The following SMARCA4 variants were observed in gnomAD, a reference collection of about 807,000 sequenced individuals.
SMARCA4 encodes the protein SWI/SNF-related matrix-associated actin-dependent regulator of chromatin subfamily A member 4.
Under a neutral mutation model 193.9 loss-of-function variants are expected in SMARCA4, and 31 were observed. That is an observed-to-expected ratio of 0.16 (90% CI 0.12 to 0.22). SMARCA4 has a LOEUF of 0.22. Among genes scored for constraint, SMARCA4 ranks in the 10% least tolerant of loss-of-function variants. The pLI is 1.00. For missense variants in SMARCA4, 1,148 were observed against 2,296.0 expected (o/e 0.50, Z 10.22); for synonymous variants, 942 against 933.1 (o/e 1.01, Z -0.17).
intron 15 of SMARCA4, 41 bp from the exon 16 acceptor site, chr19:11,012,908 C>A (rs1372018752): frequency 6.2e-7 from 1 of 1,609,800 alleles, no homozygotes; most frequent in Non-Finnish European, 8.5e-7. Context: ...TGGTGTCCGA[C>A]CCGGCCTTCA....
At position 11,019,844 on chromosome 19, in the gene SMARCA4, G is replaced by A. The variant is rs1327787648; in HGVS notation, c.2616+143G>A. 3 of 702,986 alleles carry A rather than the reference G, an allele frequency of 4.3e-6. No individual in the cohort carries two copies. Among genetic ancestry groups the A allele is most frequent in the East Asian group, 2.7e-5 (1 of 36,974 alleles). 43.5% of individuals were successfully genotyped at this position (702,986 alleles called of 1,614,324 possible). A position where few individuals can be genotyped will look rare whatever the true frequency, so the allele number is the denominator to read the frequency against. On this transcript the variant is annotated intron_variant, in intron 18 of 34. Coordinates refer to ENST00000344626, the MANE Select transcript of SMARCA4 (RefSeq NM_003072.5). This position sits in a 1 kb window ranked among gnomAD's most constrained non-coding sequence, Gnocchi z 6.1. ...GTGAAGACAGCTGCCCTGTGTAGGG[G>A]AAAGGCCTAGGTGGGGGCGACCTCA...
chr19:11,044,018 C>A (rs146675917), intron 30 of SMARCA4, among the ~76,000 whole-genome samples: 7 of 152,128 alleles, frequency 4.6e-5, no homozygotes. Context: ...TCGCAGAAAT[C>A]TAATGACAAT....
chr19:11,046,084 G>T (rs1254357659), intron 30 of SMARCA4, among the ~76,000 whole-genome samples: 4 of 152,126 alleles, frequency 2.6e-5, no homozygotes, highest in Non-Finnish European at 5.9e-5. Context: ...TTAGCCAGGC[G>T]TGGTGGCGGG....
rs566791616 is a variant in SMARCA4 at position 11,020,184 on chromosome 19, G to A, written c.2616+483G>A. On this transcript the variant is annotated intron_variant, in intron 18 of 34. Coordinates refer to ENST00000344626, the MANE Select transcript of SMARCA4 (RefSeq NM_003072.5). ...CCTGCTGGCCTTGGGCAGCTGGTTC[G>A]GGCTGTTCTGTGAGGGTCCTACTGT... Among the ~76,000 whole-genome samples the A allele has an allele frequency of 2.0e-5, 3 of 152,290 alleles. No homozygotes were observed. The East Asian group carries it at 5.8e-4, about 29-fold the overall frequency.
chr19:10,995,513 GGAAGT>G (rs1369409069), intron 9 of SMARCA4: 1 of 456,338 alleles, frequency 2.2e-6, no homozygotes, highest in Non-Finnish European at 4.4e-6. Flanking sequence ...GTGAGGAGGG[GGAAGT>G]GGAGTGGAAG....
At chr19:10,993,631 A>G (rs1028979547) in intron 8 of SMARCA4, among the ~76,000 whole-genome samples, 2 of 150,296 alleles carry the variant, frequency 1.3e-5, no homozygotes, top group Non-Finnish European at 3.0e-5. Context: ...TTTCCCACCC[A>G]CAGTTGCCGG....
intron 11 of SMARCA4, among the ~76,000 whole-genome samples, chr19:11,000,453 G>A (rs879787967): frequency 1.3e-5 from 2 of 152,114 alleles, no homozygotes; most frequent in Non-Finnish European, 2.9e-5. Flanking sequence ...ACTTAGCCCA[G>A]GAGGTCCAGG....
At chr19:10,967,851 A>AT (rs1225013997) in intron 1 of SMARCA4, among the ~76,000 whole-genome samples, 1 of 143,806 alleles carries the variant, frequency 7.0e-6, no homozygotes, top group Admixed American at 6.9e-5. Context: ...TGCCCGGCTA[A>AT]TTTTGTATTT....
rs76431954 is a variant in SMARCA4, at chr19:11,052,715, G to A, written c.4425-5540G>A. On this transcript the variant is annotated intron_variant, in intron 30 of 34. Coordinates refer to ENST00000344626, the MANE Select transcript of SMARCA4 (RefSeq NM_003072.5). ...CCAGTAGTGATGAATTCAGAAAAGAGCGAACGCCCCTCAAGCTGCCCTCCC... is the reference window on the plus strand; with the variant it reads ...CCAGTAGTGATGAATTCAGAAAAGAACGAACGCCCCTCAAGCTGCCCTCCC... Among the ~76,000 whole-genome samples the A allele has an allele frequency of 2.1e-3, 314 of 152,328 alleles. 4 individuals carry two copies. The highest frequency in any genetic ancestry group is 7.2e-3 in the African/African-American group (300 of 41,578).
intron 1 of SMARCA4, among the ~76,000 whole-genome samples, chr19:10,970,083 C>A (rs1471990720): frequency 6.6e-6 from 1 of 152,132 alleles, no homozygotes; most frequent in Non-Finnish European, 1.5e-5. Context: ...CCCTTTTGAT[C>A]ACAGCTGAGT....
chr19:11,045,334 G>A (rs1394694613), intron 30 of SMARCA4, among the ~76,000 whole-genome samples: 3 of 152,016 alleles, frequency 2.0e-5, no homozygotes, highest in African/African-American at 7.2e-5. Context: ...AAAAAAGAGG[G>A]CCTACTGTGT....
chr19:11,000,991 C>G (rs1433830248), intron 11 of SMARCA4, among the ~76,000 whole-genome samples: 1 of 151,862 alleles, frequency 6.6e-6, no homozygotes, highest in African/African-American at 2.4e-5. Flanking sequence ...TGTGGGTTTT[C>G]TTGTTCTCGG....
At chr19:11,039,437 C>T in intron 29 of SMARCA4, 1 of 1,503,636 alleles carries the variant, frequency 6.7e-7, no homozygotes. Flanking sequence ...ACTAAACAGA[C>T]ATTAAAAAAT....
At position 10,984,392 on chromosome 19, in the gene SMARCA4, G is replaced by A. The variant is rs759047953; in HGVS notation, c.222+19G>A. The A allele has an allele frequency of 2.2e-5, 35 of 1,562,614 alleles. No homozygotes were observed. The Admixed American group carries it at 4.5e-4, about 20-fold the overall frequency. ...GCACAAGGTAGGGATCCCTGTGCCC[G>A]CCTCGCACCTGCGGCCTCTGCCCAC... On this transcript the variant is annotated intron_variant, in intron 2 of 34. Transcript: ENST00000344626. This position sits in a 1 kb window ranked among gnomAD's most constrained non-coding sequence, Gnocchi z 4.3.
intron 6 of SMARCA4, among the ~76,000 whole-genome samples, chr19:10,988,522 C>T: frequency 6.6e-6 from 1 of 152,196 alleles, no homozygotes; most frequent in East Asian, 1.9e-4. Context: ...CAGCATCCTT[C>T]CTCACCCATC....
At chr19:11,048,110 G>A (rs1044931178) in intron 30 of SMARCA4, among the ~76,000 whole-genome samples, 17 of 152,176 alleles carry the variant, frequency 1.1e-4, no homozygotes, top group Non-Finnish European at 2.4e-4. Context: ...GCTGCACCAG[G>A]CTGAGAAGAG....
In SMARCA4 at chr19:11,060,181, A is replaced by AGAG; in HGVS notation, c.4910_4911+1dup. ...GTGACGATGACAGTGAGGAGGAACA[A>AGAG]GAGGAGGTGAGGCCGGGCCCCCGAG... On this transcript the variant is annotated inframe_insertion, in exon 34 of 35. Coordinates refer to ENST00000344626, the MANE Select transcript of SMARCA4 (RefSeq NM_003072.5). 2 of 1,550,942 alleles carry AGAG rather than the reference A, an allele frequency of 1.3e-6. No homozygotes were observed. The highest frequency in any genetic ancestry group is 4.9e-5 in the East Asian group (2 of 40,912).
intron 29 of SMARCA4, among the ~76,000 whole-genome samples, chr19:11,037,271 C>T (rs1488468388): frequency 6.6e-6 from 1 of 152,250 alleles, no homozygotes; most frequent in East Asian, 1.9e-4. Context: ...TTCACAGTTC[C>T]ACCAGCTGTG....
In SMARCA4 at chr19:11,045,456, T is replaced by C. The variant is rs147450859; in HGVS notation, c.4424+3896T>C. Among the ~76,000 whole-genome samples the C allele has an allele frequency of 3.9e-5, 6 of 152,304 alleles. No homozygotes were observed. In the East Asian group the frequency reaches 9.6e-4, roughly 24 times the overall value. ...CCACACGACGAGCCTTCTAGGATAC[T>C]GGGGATATTCTCTCTATAGATCTGG... On this transcript the variant is annotated intron_variant, in intron 30 of 34. Transcript: ENST00000344626.
Sources: gnomAD v4.1 joint callset for allele counts (sites outside exome capture counted in the v4.1 genomes callset) on GRCh38, gnomAD v4.1.1 for gene constraint, Gnocchi (gnomAD v3.1) non-coding constraint, MANE v1.5 for transcripts, NCBI Gene and HGNC (gene_info 2026-07-23, HGNC 2026-07-21) for gene names.